The following ANXA4 variants were observed in gnomAD, a reference collection of about 807,000 sequenced individuals.
ANXA4 encodes annexin A4, also known as 35-beta calcimedin.
Under a neutral mutation model 49.8 loss-of-function variants are expected in ANXA4, and 39 were observed. The observed-to-expected ratio is 0.78, with a 90% confidence interval of 0.61 to 1.02. ANXA4 has a LOEUF of 1.02. ANXA4 is among the 50% of genes least tolerant of loss of function. The pLI is 0.00. For missense variants in ANXA4, 360 were observed against 410.1 expected, an observed-to-expected ratio of 0.88 and a Z score of 1.05; for synonymous variants, 134 against 152.5, an observed-to-expected ratio of 0.88 and a Z score of 0.89.
chr2:69,814,790 G>GAA (rs1673900409), intron 8 of ANXA4: 1 of 62,448 alleles, frequency 1.6e-5, no homozygotes, highest in African/African-American at 9.9e-5. Context: ...GTGTGTGTGT[G>GAA]TGTGAGAGAA....
chr2:69,691,938 T>C (rs942665355), intron 2 of ANXA4, among the ~76,000 whole-genome samples: 2 of 152,228 alleles, frequency 1.3e-5, no homozygotes, highest in Non-Finnish European at 2.9e-5. Flanking sequence ...CAGGCTGGAG[T>C]GCAGTGGCGT....
At chr2:69,691,544 C>T (rs534235106) in intron 2 of ANXA4, among the ~76,000 whole-genome samples, 2 of 146,876 alleles carry the variant, frequency 1.4e-5, no homozygotes, top group East Asian at 4.0e-4. Context: ...ATATGAGAAC[C>T]GTCAGTGATT....
chr2:69,690,879 G>C (rs927070716), intron 2 of ANXA4, among the ~76,000 whole-genome samples: 2 of 152,144 alleles, frequency 1.3e-5, no homozygotes, highest in African/African-American at 2.4e-5. Flanking sequence ...AGTACTGTTT[G>C]TAAAACAAAG....
chr2:69,723,993 G>T (rs758764838), intron 3 of ANXA4, among the ~76,000 whole-genome samples: 14 of 152,226 alleles, frequency 9.2e-5, no homozygotes, highest in Non-Finnish European at 1.3e-4. Flanking sequence ...GGTGGCGCAC[G>T]CCTGTAATCC....
At chr2:69,698,121 A>G (rs1444544356) in intron 2 of ANXA4, among the ~76,000 whole-genome samples, 1 of 152,168 alleles carries the variant, frequency 6.6e-6, no homozygotes, top group South Asian at 2.1e-4. Flanking sequence ...TTTCTGGTTC[A>G]TAGTTGTTAT....
At chr2:69,688,388 G>A (rs1369185136) in intron 2 of ANXA4, among the ~76,000 whole-genome samples, 1 of 152,172 alleles carries the variant, frequency 6.6e-6, no homozygotes, top group Non-Finnish European at 1.5e-5. Context: ...ATTCAACTAG[G>A]AGAATAGTGA....
chr2:69,782,909 T>G (rs1363387500), intron 2 of ANXA4, among the ~76,000 whole-genome samples: 1 of 152,230 alleles, frequency 6.6e-6, no homozygotes, highest in Non-Finnish European at 1.5e-5. Context: ...AAGGACATTT[T>G]AAAAAGAAAA....
At chr2:69,813,502 T>A (rs955160600) in intron 8 of ANXA4, among the ~76,000 whole-genome samples, 1 of 152,106 alleles carries the variant, frequency 6.6e-6, no homozygotes, top group African/African-American at 2.4e-5. Context: ...CCGCCTGCCT[T>A]GGCCTCCCAA....
At position 69,683,567 on chromosome 2, in the gene ANXA4, T is replaced by C. The variant is rs986403811; in HGVS notation, n.766+30285T>C. Among the ~76,000 whole-genome samples the C allele has an allele frequency of 2.0e-5, 3 of 152,210 alleles. No homozygotes were observed. The South Asian group carries it at 6.2e-4, about 32-fold the overall frequency. ...TCTGAGAAACCAAAGAGGAACGATA[T>C]GCGCTGTCTTCTTCTTCCTCCTCCT... On this transcript the variant is annotated intron_variant and non_coding_transcript_variant, in intron 2 of 3. Transcript: ENST00000418066.
chr2:69,656,998 AT>A (rs140897969), intron 2 of ANXA4, among the ~76,000 whole-genome samples: 7,079 of 135,534 alleles, frequency 0.052, 136 homozygotes, highest in Non-Finnish European at 0.062. Context: ...CACTATATTC[AT>A]TTTTTTTTTT....
intron 1 of ANXA4, among the ~76,000 whole-genome samples, chr2:69,772,569 TC>T (rs944923215): frequency 2.6e-5 from 4 of 151,804 alleles, no homozygotes; most frequent in African/African-American, 9.7e-5. Flanking sequence ...CTCTTTCTGC[TC>T]CCCCCATCCT....
intron 1 of ANXA4, among the ~76,000 whole-genome samples, chr2:69,652,133 C>CT (rs201887475): frequency 0.018 from 2,739 of 152,276 alleles, 67 homozygotes; most frequent in African/African-American, 0.063. Context: ...CTGCCTCAGC[C>CT]TCCCAAGAAG....
At chr2:69,765,930 C>G (rs541569122) in intron 1 of ANXA4, among the ~76,000 whole-genome samples, 1 of 152,154 alleles carries the variant, frequency 6.6e-6, no homozygotes, top group Non-Finnish European at 1.5e-5. Flanking sequence ...TCGGGGGCAG[C>G]CAGTTCAATT....
chr2:69,734,198 A>G (rs1670181584), intron 3 of ANXA4, among the ~76,000 whole-genome samples: 1 of 152,210 alleles, frequency 6.6e-6, no homozygotes, highest in African/African-American at 2.4e-5. Flanking sequence ...TCTGGCCTCT[A>G]GTCTCTCCTC....
intron 2 of ANXA4, 55 bp from the exon 3 acceptor site, chr2:69,787,999 C>T: frequency 6.9e-7 from 1 of 1,453,702 alleles, no homozygotes; most frequent in Non-Finnish European, 9.7e-7. Flanking sequence ...GAATGAGATG[C>T]CTCCGTGTTG....
intron 1 of ANXA4, among the ~76,000 whole-genome samples, chr2:69,764,892 A>G (rs931184170): frequency 4.6e-5 from 7 of 152,088 alleles, no homozygotes; most frequent in African/African-American, 1.7e-4. Flanking sequence ...TTCTGTCTCT[A>G]TGAATTTGAC....
chr2:69,663,823 A>T (rs921256821), intron 2 of ANXA4, among the ~76,000 whole-genome samples: 1 of 152,246 alleles, frequency 6.6e-6, no homozygotes, highest in African/African-American at 2.4e-5. Context: ...GGCAAAGAGA[A>T]GGGAAAGAAA....
At chr2:69,725,207 A>G (rs1025060530) in intron 3 of ANXA4, among the ~76,000 whole-genome samples, 5 of 152,124 alleles carry the variant, frequency 3.3e-5, no homozygotes, top group African/African-American at 4.8e-5. Flanking sequence ...GGTGACATAT[A>G]GCTATTTACA....
intron 2 of ANXA4, chr2:69,720,679 G>A (rs879432922): frequency 6.6e-6 from 1 of 152,252 alleles, no homozygotes; most frequent in African/African-American, 2.4e-5. Context: ...CAGAAGTCCA[G>A]TTGGTAATTA....
Sources: gnomAD v4.1 joint callset for allele counts (sites outside exome capture counted in the v4.1 genomes callset) on GRCh38, gnomAD v4.1.1 for gene constraint, MANE v1.5 for transcripts, NCBI Gene and HGNC (gene_info 2026-07-23, HGNC 2026-07-21) for gene names.